Variants in ABCC12 observed in about 807,000 individuals in gnomAD.
ABCC12 encodes the protein ATP-binding cassette sub-family C member 12.
ABCC12 carries 142 observed loss-of-function variants against 151.1 expected under a neutral mutation model. That is an observed-to-expected ratio of 0.94 (90% confidence interval 0.82 to 1.08). ABCC12 has a LOEUF of 1.08. ABCC12 is among the 50% of genes least tolerant of loss of function. The probability of loss-of-function intolerance (pLI) is 0.00; values close to 1 mark genes in which losing one functional copy is unlikely to be tolerated. For synonymous variants in ABCC12, 645 were observed against 646.4 expected (o/e 1.00, Z 0.03); for missense variants, 1,638 against 1,691.1 (o/e 0.97, Z 0.55).
intron 24 of ABCC12, among the ~76,000 whole-genome samples, chr16:48,092,397 G>A (rs1962937504): frequency 6.6e-6 from 1 of 152,226 alleles, no homozygotes; most frequent in Non-Finnish European, 1.5e-5. Flanking sequence ...CCTCGGAACT[G>A]TCCCGTGCTG....
At position 48,108,537 on chromosome 16, in the gene ABCC12, G is replaced by A; in HGVS notation, c.2282-8C>T. 6.2e-7 allele frequency: 1 copy of A among 1,613,270 alleles called. No homozygotes were observed. Among genetic ancestry groups the A allele is most frequent in the Non-Finnish European group, 8.5e-7 (1 of 1,179,620 alleles). ...TGAGCTGGTGCTCAGGAACTGTGGA[G>A]ACAAACACAAGTGCCATGGCTCTCA... On this transcript the variant is annotated splice_polypyrimidine_tract_variant and splice_region_variant and intron_variant, in intron 18 of 30. Coordinates refer to ENST00000311303, the MANE Select transcript of ABCC12 (RefSeq NM_001393797.1).
intron 18 of ABCC12, among the ~76,000 whole-genome samples, chr16:48,110,619 T>G (rs906741202): frequency 2.6e-5 from 4 of 152,036 alleles, no homozygotes; most frequent in Admixed American, 2.6e-4. Flanking sequence ...CTTCCACATC[T>G]CGTCTCCCCA....
At chr16:48,107,296 T>C (rs1963526194) in intron 20 of ABCC12, 26 bp downstream of exon 20, 2 of 1,605,538 alleles carry the variant, frequency 1.2e-6, no homozygotes, top group South Asian at 1.1e-5. Flanking sequence ...AGACTCGGCA[T>C]CTTCCAATGC....
In ABCC12 at chr16:48,104,160, C is replaced by A. The variant is rs1234932998; in HGVS notation, c.2882G>T (p.Gly961Val). The A allele has an allele frequency of 6.2e-7, 1 of 1,614,126 alleles. No individual in the cohort carries two copies. Among genetic ancestry groups the A allele is most frequent in the Non-Finnish European group, 8.5e-7 (1 of 1,180,024 alleles). Reference protein sequence around the residue: ...VLLVVASLAVGFFILLRIFHR... With the variant: ...VLLVVASLAVVFFILLRIFHR... ...GGCCTACCGTAACAGAATGAAGAAG[C>A]CTACAGCAAGGCTGGCCACGACTAA... The change falls in exon 22 of 31, where the codon GGC (glycine) becomes GTC (valine). Residue 961 changes from glycine (G) to valine (V), a missense_variant. Coordinates refer to ENST00000311303, the MANE Select transcript of ABCC12 (RefSeq NM_001393797.1).
chr16:48,086,784 T>C lies in ABCC12; in HGVS notation c.3671A>G (p.Glu1224Gly). 6.2e-7 allele frequency: 1 copy of C among 1,613,974 alleles called. No individual in the cohort carries two copies. Among genetic ancestry groups the C allele is most frequent in the Non-Finnish European group, 8.5e-7 (1 of 1,179,918 alleles). The stretch of plus-strand genomic sequence containing the variant: ...TCTCTCCAGAACCTGCCAGAGCATC[T>C]CATCGGTGTGACTCTCAAAGGGATC... ...NLDPFESHTD[E>G]MLWQVLERTF... Residue 1224 changes from glutamate (E) to glycine (G), a missense_variant, in exon 28 of 31, where the codon GAG (glutamate) becomes GGG (glycine). Physicochemically the swap from Glu to Gly is moderately conservative, Grantham distance 98. Transcript: ENST00000311303.
intron 26 of ABCC12, 58 bp from the exon 27 acceptor site, chr16:48,088,143 T>A: frequency 1.9e-6 from 3 of 1,566,430 alleles, no homozygotes; most frequent in Middle Eastern, 1.7e-4. Context: ...TTCCATCATA[T>A]CCAAGCATTT....
At chr16:48,115,704 T>C (rs1963860164) in intron 14 of ABCC12, 86 bp from the exon 15 acceptor site, 2 of 1,377,688 alleles carry the variant, frequency 1.5e-6, no homozygotes, top group Non-Finnish European at 9.8e-7. Context: ...TTCTCAGGAC[T>C]CAGGGGAAAG....
intron 25 of ABCC12, among the ~76,000 whole-genome samples, chr16:48,089,639 T>C (rs1314785628): frequency 6.6e-6 from 1 of 152,188 alleles, no homozygotes; most frequent in Non-Finnish European, 1.5e-5. Flanking sequence ...CTCATTTAGC[T>C]GAGAAAATAC....
At chr16:48,140,464 G>A (rs1309416250) in intron 6 of ABCC12, among the ~76,000 whole-genome samples, 1 of 152,246 alleles carries the variant, frequency 6.6e-6, no homozygotes, top group East Asian at 1.9e-4. Context: ...GCTGGAACTA[G>A]GAAGTCTCTC....
At chr16:48,101,770 A>G (rs1009699023) in intron 22 of ABCC12, among the ~76,000 whole-genome samples, 1 of 152,196 alleles carries the variant, frequency 6.6e-6, no homozygotes, top group Admixed American at 6.5e-5. Context: ...GCAGGGAAAG[A>G]GCTTTTACTA....
At position 48,115,540 on chromosome 16, in the gene ABCC12, G is replaced by T; in HGVS notation, c.1864C>A (p.Gln622Lys). Residue 622 changes from glutamine to lysine, a missense_variant, in exon 15 of 31, where the codon CAG becomes AAG. Gln to Lys is a moderately conservative substitution (Grantham distance 53). Coordinates refer to ENST00000311303, the MANE Select transcript of ABCC12 (RefSeq NM_001393797.1). ...SLARAVYSDR[Q>K]LYLLDDPLSA... ...AGGGGGTCGTCCAGCAGGTAGAGCT[G>T]ACGGTCGGAGTAGACAGCGCGGGCC... is the stretch of plus-strand genomic sequence containing the variant. 6.2e-7 allele frequency: 1 copy of T among 1,614,208 alleles called. No individual in the cohort carries two copies. The highest frequency in any genetic ancestry group is 1.7e-4 in the Middle Eastern group (1 of 6,060).
At chr16:48,124,156 A>G (rs1375148866) in intron 12 of ABCC12, 57 bp downstream of exon 12, 4 of 1,563,330 alleles carry the variant, frequency 2.6e-6, no homozygotes, top group African/African-American at 2.7e-5. Flanking sequence ...ACCGGAAGGG[A>G]GCCATTTCAT....
At chr16:48,139,755 T>A (rs570450156) in intron 6 of ABCC12, among the ~76,000 whole-genome samples, 3 of 152,108 alleles carry the variant, frequency 2.0e-5, no homozygotes, top group Non-Finnish European at 4.4e-5. Context: ...GAGGGCAATG[T>A]GATGTAAGCC....
chr16:48,083,635 A>T lies in ABCC12; in HGVS notation c.*80T>A. The T allele has an allele frequency of 7.1e-7, 1 of 1,409,166 alleles. No homozygotes were observed. Among genetic ancestry groups the T allele is most frequent in the Non-Finnish European group, 9.9e-7 (1 of 1,013,488 alleles). 87.3% of individuals were successfully genotyped at this position (1,409,166 alleles called of 1,614,324 possible). A position where few individuals can be genotyped will look rare whatever the true frequency, so the allele number is the denominator to read the frequency against. ...CTGAAGACCAGGGCTGCCTGCGGAGAGGACAGCCCCTCCTCCTGAAGACTC... is the reference window on the plus strand; with the variant it reads ...CTGAAGACCAGGGCTGCCTGCGGAGTGGACAGCCCCTCCTCCTGAAGACTC... On this transcript the variant is annotated 3_prime_UTR_variant, in exon 31 of 31. Transcript: ENST00000311303.
chr16:48,090,986 T>C (rs1597301623), intron 25 of ABCC12, 134 bp downstream of exon 25: 6 of 821,476 alleles, frequency 7.3e-6, no homozygotes, highest in Non-Finnish European at 1.2e-5. Flanking sequence ...GCTGGGATTA[T>C]AGGCGTAAGC....
intron 2 of ABCC12, 38 bp from the exon 3 acceptor site, chr16:48,146,512 G>A: frequency 2.8e-6 from 3 of 1,078,786 alleles, no homozygotes; most frequent in Non-Finnish European, 4.2e-6. Context: ...TGAGAGGTGA[G>A]GATGTCTGAT....
chr16:48,151,096 T>A (rs1396194309), intron 2 of ABCC12, among the ~76,000 whole-genome samples: 1 of 151,654 alleles, frequency 6.6e-6, no homozygotes, highest in Non-Finnish European at 1.5e-5. Flanking sequence ...GAAAAAAAAA[T>A]AGCAACTTTG....
At chr16:48,137,137 G>C (rs1210813672) in intron 8 of ABCC12, among the ~76,000 whole-genome samples, 1 of 152,194 alleles carries the variant, frequency 6.6e-6, no homozygotes, top group East Asian at 1.9e-4. Flanking sequence ...GTCTTGCATA[G>C]TCCAGGAGAG....
rs751803761 is a variant in ABCC12, at chr16:48,083,997, G to A, written c.3905C>T (p.Ala1302Val). The stretch of plus-strand genomic sequence containing the variant: ...GGTCAGCACAGTGCAGCCCTTGAAG[G>A]CATCTTTGATGGTGTTCTGAACCAG... ...DTLVQNTIKD[A>V]FKGCTVLTIA... The change falls in exon 30 of 31, where the codon GCC (alanine) becomes GTC (valine). Residue 1302 changes from alanine to valine, a missense_variant. Ala to Val is a moderately conservative substitution (Grantham distance 64). Transcript: ENST00000311303. 11 of 1,612,800 alleles carry A rather than the reference G, an allele frequency of 6.8e-6. No homozygotes were observed. The highest frequency in any genetic ancestry group is 1.1e-5 in the South Asian group (1 of 90,638).
Sources: gnomAD v4.1 joint callset for allele counts (sites outside exome capture counted in the v4.1 genomes callset) on GRCh38, gnomAD v4.1.1 for gene constraint, MANE v1.5 for transcripts, NCBI Gene and HGNC (gene_info 2026-07-23, HGNC 2026-07-21) for gene names.